The following CREB1 variants were observed in gnomAD, a reference collection of about 807,000 sequenced individuals.
The protein encoded by CREB1 is cAMP responsive element binding protein 1.
A neutral mutation model predicts 42.0 loss-of-function variants in CREB1; 2 were observed. That is an observed-to-expected ratio of 0.05 (90% confidence interval 0.02 to 0.15). The LOEUF (loss-of-function observed/expected upper bound fraction) is 0.15. Among genes scored for constraint, CREB1 ranks in the 10% least tolerant of loss-of-function variants. The pLI, the probability that CREB1 is intolerant of heterozygous loss-of-function variation, is 1.00. For missense variants in CREB1, 199 were observed against 388.9 expected (o/e 0.51, Z 4.11); for synonymous variants, 123 against 139.9 (o/e 0.88, Z 0.85).
intron 7 of CREB1, among the ~76,000 whole-genome samples, chr2:207,591,503 G>A (rs1337908137): frequency 6.6e-6 from 1 of 152,106 alleles, no homozygotes; most frequent in Non-Finnish European, 1.5e-5. Flanking sequence ...CACAATCTTG[G>A]CTCACTGCAA....
At chr2:207,563,770 G>T (rs1178217595) in intron 3 of CREB1, among the ~76,000 whole-genome samples, 1 of 151,926 alleles carries the variant, frequency 6.6e-6, no homozygotes, top group South Asian at 2.1e-4. Flanking sequence ...ATGGCAAAAC[G>T]CCATCTCTAC....
chr2:207,553,500 TAA>T, intron 1 of CREB1, among the ~76,000 whole-genome samples: 1 of 150,432 alleles, frequency 6.6e-6, no homozygotes, highest in Middle Eastern at 3.2e-3. Flanking sequence ...TATTTGATAA[TAA>T]CCAGAGTTAT....
intron 1 of CREB1, among the ~76,000 whole-genome samples, chr2:207,537,505 A>G (rs2080921902): frequency 6.6e-6 from 1 of 152,212 alleles, no homozygotes; most frequent in Non-Finnish European, 1.5e-5. Flanking sequence ...GGTGGAGGCA[A>G]AGATCATTAA....
At chr2:207,555,169 T>TG (rs2081666119) in intron 1 of CREB1, among the ~76,000 whole-genome samples, 1 of 152,178 alleles carries the variant, frequency 6.6e-6, no homozygotes, top group South Asian at 2.1e-4. Context: ...TTCCTTCTTA[T>TG]GGGGGGAAAT....
At chr2:207,570,825 G>T (rs1047902670) in intron 5 of CREB1, among the ~76,000 whole-genome samples, 3 of 152,082 alleles carry the variant, frequency 2.0e-5, no homozygotes, top group African/African-American at 7.2e-5. Flanking sequence ...ATGAAAGATA[G>T]TAATATACTT....
chr2:207,601,471 T>C lies in CREB1; in HGVS notation c.*4413T>C, dbSNP rs1220139595. ...AATTAGATATGACTAGCCCAGTTAATTAAAAGACGGGCTCAAACCTTGTTT... is the reference window on the plus strand; with the variant it reads ...AATTAGATATGACTAGCCCAGTTAACTAAAAGACGGGCTCAAACCTTGTTT... On this transcript the variant is annotated 3_prime_UTR_variant, in exon 8 of 8. Coordinates refer to ENST00000353267, the MANE Select transcript of CREB1 (RefSeq NM_004379.5). 5.2e-6 allele frequency: 1 copy of C among 192,346 alleles called. No homozygotes were observed. The highest frequency in any genetic ancestry group is 1.1e-5 in the Non-Finnish European group (1 of 92,110). 11.9% of individuals were successfully genotyped at this position (192,346 alleles called of 1,614,324 possible).
intron 5 of CREB1, among the ~76,000 whole-genome samples, chr2:207,572,354 A>G (rs1307434067): frequency 1.3e-5 from 2 of 152,080 alleles, no homozygotes; most frequent in African/African-American, 4.8e-5. Flanking sequence ...TTAACATTAT[A>G]TTCTTGATTT....
intron 7 of CREB1, among the ~76,000 whole-genome samples, chr2:207,587,648 G>T (rs1327798467): frequency 2.6e-5 from 4 of 152,174 alleles, no homozygotes; most frequent in Non-Finnish European, 5.9e-5. Flanking sequence ...TGGCCATGTG[G>T]ATGAACTTGG....
intron 3 of CREB1, among the ~76,000 whole-genome samples, chr2:207,562,486 T>A (rs1005836423): frequency 1.3e-5 from 2 of 152,236 alleles, no homozygotes; most frequent in African/African-American, 2.4e-5. Context: ...CTCTTTTTTT[T>A]ATTTGCTTGT....
intron 1 of CREB1, among the ~76,000 whole-genome samples, chr2:207,552,690 C>T (rs2081558358): frequency 6.6e-6 from 1 of 151,272 alleles, no homozygotes; most frequent in African/African-American, 2.4e-5. Flanking sequence ...ACTACAACCT[C>T]CGCCTCCCGG....
chr2:207,570,040 CAAA>C (rs757439012), intron 4 of CREB1, 136 bp from the exon 5 acceptor site: 2,120 of 176,512 alleles, frequency 0.012, no homozygotes, highest in Middle Eastern at 0.024. Flanking sequence ...GACTCCATCT[CAAA>C]AAAAAAAAAA....
At chr2:207,562,822 A>G (rs910906510) in intron 3 of CREB1, among the ~76,000 whole-genome samples, 1 of 152,222 alleles carries the variant, frequency 6.6e-6, no homozygotes, top group Non-Finnish European at 1.5e-5. Flanking sequence ...TATACAAGGT[A>G]CAGTTCTCTT....
At chr2:207,571,754 T>TA in intron 5 of CREB1, 1 of 455,462 alleles carries the variant, frequency 2.2e-6, no homozygotes, top group South Asian at 1.6e-5. Context: ...GGATACAACA[T>TA]ACTCCTGTCA....
At chr2:207,556,713 A>C (rs1255765591) in intron 2 of CREB1, among the ~76,000 whole-genome samples, 2 of 152,226 alleles carry the variant, frequency 1.3e-5, no homozygotes, top group Non-Finnish European at 2.9e-5. Context: ...GACAAAGCCA[A>C]ATACATCTAA....
intron 1 of CREB1, among the ~76,000 whole-genome samples, chr2:207,532,949 G>A (rs1055800640): frequency 6.6e-6 from 1 of 151,966 alleles, no homozygotes; most frequent in Non-Finnish European, 1.5e-5. Context: ...TTCATAATTT[G>A]TGATTCTTAG....
chr2:207,598,803 GCA>G lies in CREB1; in HGVS notation c.*1747_*1748del, dbSNP rs1397932634. 1 of 170,528 alleles carries G rather than the reference GCA, an allele frequency of 5.9e-6. No individual in the cohort carries two copies. Among genetic ancestry groups the G allele is most frequent in the Non-Finnish European group, 1.3e-5 (1 of 78,748 alleles). 10.6% of individuals were successfully genotyped at this position (170,528 alleles called of 1,614,324 possible). On this transcript the variant is annotated 3_prime_UTR_variant, in exon 8 of 8. Transcript: ENST00000353267. ...CAGAGGGTTGCAGTGAGCCGAGATA[GCA>G]CCATTGCACTCCAGCCTGGGCGACT...
At chr2:207,577,435 A>G (rs1322226690) in intron 6 of CREB1, 70 bp from the exon 7 acceptor site, 2 of 1,553,674 alleles carry the variant, frequency 1.3e-6, no homozygotes, top group Non-Finnish European at 1.8e-6. Flanking sequence ...GCTTAGATTG[A>G]TGATTGATAC....
rs768698511 is a variant in CREB1 at position 207,603,155 on chromosome 2, CCT to C, written c.*6098_*6099del. The stretch of plus-strand genomic sequence containing the variant: ...AAATTCCCTACATTCTAGAAACATC[CCT>C]GTTTTAATTTTTTTATCTAAATCTT... On this transcript the variant is annotated 3_prime_UTR_variant, in exon 8 of 8. Transcript: ENST00000353267. 4.7e-6 allele frequency: 1 copy of C among 210,866 alleles called. No individual in the cohort carries two copies. The highest frequency in any genetic ancestry group is 5.9e-5 in the Admixed American group (1 of 16,988). 13.1% of individuals were successfully genotyped at this position (210,866 alleles called of 1,614,324 possible).
chr2:207,530,530 G>C (rs1009083229), intron 1 of CREB1, among the ~76,000 whole-genome samples: 1 of 145,732 alleles, frequency 6.9e-6, no homozygotes, highest in Non-Finnish European at 1.5e-5. Flanking sequence ...GAGCCGCCCC[G>C]GGGGAGGCCG....
Sources: allele counts gnomAD v4.1 joint callset (sites outside exome capture counted in the v4.1 genomes callset), GRCh38; gene constraint gnomAD v4.1.1; transcripts MANE v1.5; gene names NCBI Gene and HGNC (gene_info 2026-07-23, HGNC 2026-07-21).